The following ZNF589 variants were observed in gnomAD, a reference collection of about 807,000 sequenced individuals.
ZNF589 encodes KRAB-zinc finger protein SZF1-1.
A neutral mutation model predicts 13.6 loss-of-function variants in ZNF589; 17 were observed. That is an observed-to-expected ratio of 1.25 (90% CI 0.86 to 1.88). The LOEUF (loss-of-function observed/expected upper bound fraction) is 1.88. ZNF589 is among the 40% of genes most tolerant of loss of function. The pLI is 0.00. For missense variants in ZNF589, 407 were observed against 434.0 expected (o/e 0.94, Z 0.55); for synonymous variants, 148 against 161.6 (o/e 0.92, Z 0.64).
chr3:48,265,810 G>C (rs2034013577), intron 3 of ZNF589, among the ~76,000 whole-genome samples: 1 of 151,870 alleles, frequency 6.6e-6, no homozygotes, highest in Non-Finnish European at 1.5e-5. Context: ...ATTAAGTTCT[G>C]ATGGTCTTTA....
chr3:48,252,856 T>C (rs1219521004), intron 2 of ZNF589, among the ~76,000 whole-genome samples: 1 of 151,748 alleles, frequency 6.6e-6, no homozygotes, highest in Non-Finnish European at 1.5e-5. Flanking sequence ...TCTCCTGACC[T>C]CGTGATCCAC....
intron 1 of ZNF589, 140 bp downstream of exon 1, chr3:48,241,354 T>C (rs1317785202): frequency 3.7e-6 from 4 of 1,089,710 alleles, no homozygotes; most frequent in Non-Finnish European, 5.2e-6. Context: ...CGGCTCTTAC[T>C]CCCCTGGGGG....
At chr3:48,267,105 A>G (rs1265329695) in intron 3 of ZNF589, among the ~76,000 whole-genome samples, 2 of 152,232 alleles carry the variant, frequency 1.3e-5, no homozygotes, top group Middle Eastern at 3.2e-3. Flanking sequence ...GGAAGATTAC[A>G]TGCCAAGTTC....
chr3:48,256,606 C>G, intron 2 of ZNF589: 1 of 797,586 alleles, frequency 1.3e-6, no homozygotes, highest in Non-Finnish European at 2.2e-6. Context: ...TCTTGCAGTT[C>G]TCTTCCCGTC....
chr3:48,261,182 A>G (rs2033966730), intron 3 of ZNF589, among the ~76,000 whole-genome samples: 1 of 152,200 alleles, frequency 6.6e-6, no homozygotes, highest in Non-Finnish European at 1.5e-5. Flanking sequence ...AATGTATAAG[A>G]TATATATAAA....
chr3:48,255,745 C>T (rs1303988466), intron 2 of ZNF589, among the ~76,000 whole-genome samples: 2 of 150,304 alleles, frequency 1.3e-5, no homozygotes, highest in East Asian at 2.0e-4. Context: ...TGCCTTAGCC[C>T]CCCAAAGTGC....
chr3:48,242,743 C>T (rs549268350), intron 1 of ZNF589, among the ~76,000 whole-genome samples: 3 of 152,184 alleles, frequency 2.0e-5, no homozygotes, highest in African/African-American at 7.2e-5. Context: ...TTGCCGTGTT[C>T]CAATAAAACT....
At chr3:48,255,612 G>T (rs981207183) in intron 2 of ZNF589, among the ~76,000 whole-genome samples, 28 of 148,980 alleles carry the variant, frequency 1.9e-4, no homozygotes, top group African/African-American at 6.9e-4. Flanking sequence ...TCCTGCCTCA[G>T]CCTCCCGAGT....
intron 1 of ZNF589, among the ~76,000 whole-genome samples, chr3:48,242,363 C>T (rs1488711442): frequency 6.6e-6 from 1 of 151,952 alleles, no homozygotes; most frequent in Non-Finnish European, 1.5e-5. Flanking sequence ...CCACCTGCCT[C>T]GGCCTCCCAA....
chr3:48,269,570 C>A lies in ZNF589; in HGVS notation c.*784C>A. The A allele has an allele frequency of 3.0e-6, 1 of 337,936 alleles. No homozygotes were observed. Among genetic ancestry groups the A allele is most frequent in the South Asian group, 2.6e-5 (1 of 38,024 alleles). 20.9% of individuals were successfully genotyped at this position (337,936 alleles called of 1,614,324 possible). On this transcript the variant is annotated 3_prime_UTR_variant, in exon 4 of 4. Coordinates refer to ENST00000354698, the MANE Select transcript of ZNF589 (RefSeq NM_016089.3). ...GCGAAACTTTAGCCACAAGTCCACTCTCAGCTTACATCAGAGGATACACTC... is the reference window on the plus strand; with the variant it reads ...GCGAAACTTTAGCCACAAGTCCACTATCAGCTTACATCAGAGGATACACTC...
At position 48,268,985 on chromosome 3, in the gene ZNF589, A is replaced by C; in HGVS notation, c.*199A>C. Reference sequence around the variant, plus strand: ...TGGATTTAGCCAGAAGTCGTCGCTCAAATCACATCGGAGAACACACTCAGG... The same window carrying C: ...TGGATTTAGCCAGAAGTCGTCGCTCCAATCACATCGGAGAACACACTCAGG... On this transcript the variant is annotated 3_prime_UTR_variant, in exon 4 of 4. Coordinates refer to ENST00000354698, the MANE Select transcript of ZNF589 (RefSeq NM_016089.3). The C allele has an allele frequency of 2.4e-6, 2 of 819,018 alleles. No homozygotes were observed. Among genetic ancestry groups the C allele is most frequent in the East Asian group, 2.5e-5 (1 of 39,696 alleles). 50.7% of individuals were successfully genotyped at this position (819,018 alleles called of 1,614,324 possible). A position where few individuals can be genotyped will look rare whatever the true frequency, so the allele number is the denominator to read the frequency against.
chr3:48,250,533 A>G (rs1334695254), intron 2 of ZNF589, among the ~76,000 whole-genome samples: 1 of 151,680 alleles, frequency 6.6e-6, no homozygotes, highest in East Asian at 1.9e-4. Flanking sequence ...GTACAGTGAT[A>G]CGATCTTGGC....
At position 48,259,194 on chromosome 3, in the gene ZNF589, G is replaced by A. The variant is rs535593123; in HGVS notation, c.97-1619G>A. On this transcript the variant is annotated intron_variant, in intron 2 of 3. Transcript: ENST00000354698. ...TCCTCCCTCGTACACTGTGCCACGC[G>A]GCCTGACTGCCTGGGCTGCTGGCTA... Among the ~76,000 whole-genome samples the A allele has an allele frequency of 9.2e-5, 14 of 152,238 alleles. No homozygotes were observed. In the South Asian group the frequency reaches 2.3e-3, roughly 25 times the overall value.
At chr3:48,264,048 C>T (rs2033995298) in intron 3 of ZNF589, among the ~76,000 whole-genome samples, 1 of 152,222 alleles carries the variant, frequency 6.6e-6, no homozygotes, top group East Asian at 1.9e-4. Flanking sequence ...ACATAGAAAC[C>T]AGCCAGTGTA....
chr3:48,263,390 G>A (rs1264086608), intron 3 of ZNF589, among the ~76,000 whole-genome samples: 2 of 152,176 alleles, frequency 1.3e-5, no homozygotes, highest in East Asian at 1.9e-4. Flanking sequence ...GATTACCGGC[G>A]TGAGCCGCCA....
Position 48,249,162 on chromosome 3 carries a change from G to A in ZNF589, c.96+1485G>A, listed in dbSNP as rs549646696. ...TTGTCGCCCAGGCTGGAGTGCAATGGCATGATCTCGGCTCACTGCAACCTC... is the reference window on the plus strand; with the variant it reads ...TTGTCGCCCAGGCTGGAGTGCAATGACATGATCTCGGCTCACTGCAACCTC... On this transcript the variant is annotated intron_variant, in intron 2 of 3. Transcript: ENST00000354698. Among the ~76,000 whole-genome samples the A allele has an allele frequency of 3.3e-5, 5 of 151,876 alleles. No individual in the cohort carries two copies. The East Asian group carries it at 9.7e-4, about 29-fold the overall frequency.
intron 1 of ZNF589, among the ~76,000 whole-genome samples, chr3:48,242,118 A>G (rs570482153): frequency 6.8e-6 from 1 of 148,138 alleles, no homozygotes; most frequent in Non-Finnish European, 1.5e-5. Flanking sequence ...GGCCCAAAAG[A>G]CTTTTTTTTT....
In ZNF589 at chr3:48,268,530, AGT is replaced by A; in HGVS notation, c.843_844del (p.Cys281TrpfsTer7). 1 of 1,613,874 alleles carries A rather than the reference AGT, an allele frequency of 6.2e-7. No individual in the cohort carries two copies. Among genetic ancestry groups the A allele is most frequent in the East Asian group, 2.2e-5 (1 of 44,858 alleles). On this transcript the variant is annotated frameshift_variant, in exon 4 of 4. Transcript: ENST00000354698. LOFTEE classifies it low-confidence loss of function (END_TRUNC). ...GGAGAAAAGCCTTATGTCTGCGGAG[AGT>A]GTGGGCGAGGCTTTATAGTTGAGTC...
chr3:48,260,882 C>A lies in ZNF589; in HGVS notation c.166C>A (p.Gln56Lys), dbSNP rs773791148. The change falls in exon 3 of 4, where the codon CAG (glutamine) becomes AAG (lysine). Residue 56 changes from glutamine (Q) to lysine (K), a missense_variant. Physicochemically the swap from Gln to Lys is moderately conservative, Grantham distance 53 (BLOSUM62 1). Coordinates refer to ENST00000354698, the MANE Select transcript of ZNF589 (RefSeq NM_016089.3). ...EAEWKRLSLEQRNLYKEVMLE... is the reference protein window; with the variant it reads ...EAEWKRLSLEKRNLYKEVMLE... ...AGAGTGGAAGAGACTGAGCCTTGAG[C>A]AGAGGAACCTATACAAAGAAGTGAT... 1.2e-6 allele frequency: 2 copies of A among 1,614,152 alleles called. No homozygotes were observed. The highest frequency in any genetic ancestry group is 2.2e-5 in the South Asian group (2 of 91,092).
Sources: allele counts gnomAD v4.1 joint callset (sites outside exome capture counted in the v4.1 genomes callset), GRCh38; gene constraint gnomAD v4.1.1; transcripts MANE v1.5; gene names NCBI Gene and HGNC (gene_info 2026-07-23, HGNC 2026-07-21).